The following KMT2E variants were observed in gnomAD, a reference collection of about 807,000 sequenced individuals.
KMT2E encodes the protein lysine methyltransferase 2E (inactive).
A neutral mutation model predicts 184.6 loss-of-function variants in KMT2E; 30 were observed. The observed-to-expected ratio is 0.16, with a 90% CI of 0.12 to 0.22. KMT2E has a LOEUF of 0.22. Among genes scored for constraint, KMT2E ranks in the 10% least tolerant of loss-of-function variants. The pLI is 1.00. For missense variants in KMT2E, 2,023 were observed against 2,237.4 expected (o/e 0.90, Z 1.93); for synonymous variants, 815 against 776.5 (o/e 1.05, Z -0.82).
At chr7:105,060,116 C>A (rs1187677354) in intron 3 of KMT2E, among the ~76,000 whole-genome samples, 1 of 148,918 alleles carries the variant, frequency 6.7e-6, no homozygotes, top group African/African-American at 2.5e-5. Flanking sequence ...CTGCCTCAGC[C>A]CCCAAGTAGC....
chr7:105,023,725 T>C (rs1795056485), intron 1 of KMT2E, among the ~76,000 whole-genome samples: 1 of 152,168 alleles, frequency 6.6e-6, no homozygotes, highest in South Asian at 2.1e-4. Context: ...GATTACAGGC[T>C]TGAGCCACTG....
intron 23 of KMT2E, 36 bp from the exon 24 acceptor site, chr7:105,110,244 C>G (rs1425433565): frequency 4.5e-6 from 7 of 1,541,764 alleles, no homozygotes; most frequent in Admixed American, 1.7e-5. Context: ...GCAGTAGTTT[C>G]TTTCAATAGA....
At position 105,027,401 on chromosome 7, in the gene KMT2E, G is replaced by C. The variant is rs58727441; in HGVS notation, c.-188-10725G>C. ...TAGTCTGTCTCATAGCAAAGGTACT[G>C]GTCCCTTATAGGACTCATTGTATCC... On this transcript the variant is annotated intron_variant, in intron 1 of 26. Transcript: ENST00000311117. 2.9e-3 allele frequency among the ~76,000 whole-genome samples: 447 copies of C among 152,132 alleles called. 1 individual carries two copies. Among genetic ancestry groups the C allele is most frequent in the African/African-American group, 0.01 (432 of 41,496 alleles).
At chr7:105,028,465 C>T (rs960110122) in intron 1 of KMT2E, among the ~76,000 whole-genome samples, 15 of 151,612 alleles carry the variant, frequency 9.9e-5, no homozygotes, top group African/African-American at 2.4e-4. Context: ...TCAGCCCAGT[C>T]GAGACTGAGA....
chr7:105,062,477 C>T (rs753094355), intron 4 of KMT2E, among the ~76,000 whole-genome samples, 199 bp downstream of exon 4: 5 of 152,072 alleles, frequency 3.3e-5, no homozygotes, highest in African/African-American at 7.2e-5. Context: ...TATTATTTTG[C>T]AATTTATGCT....
chr7:105,031,236 T>G (rs946883891), intron 1 of KMT2E, among the ~76,000 whole-genome samples: 6 of 151,340 alleles, frequency 4.0e-5, no homozygotes, highest in African/African-American at 1.5e-4. Context: ...CAGATACCTG[T>G]GATCGAGGTA....
chr7:105,094,074 G>C (rs143992781), intron 15 of KMT2E, among the ~76,000 whole-genome samples: 2 of 152,198 alleles, frequency 1.3e-5, no homozygotes, highest in African/African-American at 4.8e-5. Context: ...AGAATTTTTT[G>C]ATGTAGTCAA....
intron 3 of KMT2E, among the ~76,000 whole-genome samples, chr7:105,053,355 TAAC>T (rs2129566357): frequency 6.6e-6 from 1 of 152,294 alleles, no homozygotes; most frequent in African/African-American, 2.4e-5. Context: ...TAAAGAATTT[TAAC>T]AAGTACTGGT....
intron 6 of KMT2E, among the ~76,000 whole-genome samples, chr7:105,067,378 C>T (rs962633704): frequency 2.0e-5 from 3 of 151,858 alleles, no homozygotes; most frequent in Admixed American, 6.6e-5. Flanking sequence ...TATCATTCTT[C>T]TTGTTTGTAA....
At position 105,105,916 on chromosome 7, in the gene KMT2E, TCAC is replaced by T. The variant is rs1562930677; in HGVS notation, c.2511_2513del (p.Pro838del). On this transcript the variant is annotated inframe_deletion, in exon 19 of 27. Transcript: ENST00000311117. ...TTCAGCAATTTTACATAGATTTAAT[TCAC>T]CCTGTCAAGAAAGATCCAGAAGTCC... 1 of 1,613,672 alleles carries T rather than the reference TCAC, an allele frequency of 6.2e-7. No homozygotes were observed. The highest frequency in any genetic ancestry group is 8.5e-7 in the Non-Finnish European group (1 of 1,179,766).
intron 3 of KMT2E, among the ~76,000 whole-genome samples, chr7:105,050,589 T>A (rs1243141381): frequency 6.6e-6 from 1 of 152,086 alleles, no homozygotes; most frequent in Non-Finnish European, 1.5e-5. Context: ...CTACTTTTGG[T>A]TATTGTTTTT....
chr7:105,087,229 G>A (rs995922254), intron 13 of KMT2E, among the ~76,000 whole-genome samples: 3 of 143,072 alleles, frequency 2.1e-5, no homozygotes, highest in Non-Finnish European at 4.5e-5. Flanking sequence ...TATTATATAA[G>A]CATATATATA....
rs1797772605 is a variant in KMT2E at position 105,081,816 on chromosome 7, A to G, written c.1358+19A>G. On this transcript the variant is annotated intron_variant, in intron 13 of 26. Coordinates refer to ENST00000311117, the MANE Select transcript of KMT2E (RefSeq NM_182931.3). Reference sequence around the variant, plus strand: ...GAAATTGGTGAGTTCAAGTCTATAAATGTAATCTGTTGTTTGAAAATAGTT... The same window carrying G: ...GAAATTGGTGAGTTCAAGTCTATAAGTGTAATCTGTTGTTTGAAAATAGTT... The G allele has an allele frequency of 9.9e-7, 1 of 1,012,696 alleles. No individual in the cohort carries two copies. Among genetic ancestry groups the G allele is most frequent in the East Asian group, 2.5e-5 (1 of 40,316 alleles). The allele number at this position is 1,012,696 out of a possible 1,614,324, so 62.7% of individuals were successfully genotyped here.
chr7:105,056,403 C>T (rs1796571336), intron 3 of KMT2E, among the ~76,000 whole-genome samples: 1 of 152,152 alleles, frequency 6.6e-6, no homozygotes, highest in Non-Finnish European at 1.5e-5. Context: ...ACATTACTTG[C>T]TTTTGAGAGA....
intron 6 of KMT2E, among the ~76,000 whole-genome samples, chr7:105,072,975 A>G (rs1006752094): frequency 3.3e-5 from 5 of 152,182 alleles, no homozygotes; most frequent in African/African-American, 1.2e-4. Flanking sequence ...TAATAATGGA[A>G]TAGATTCAAT....
intron 3 of KMT2E, among the ~76,000 whole-genome samples, chr7:105,061,506 T>C (rs1796812046): frequency 6.6e-6 from 1 of 152,044 alleles, no homozygotes; most frequent in Non-Finnish European, 1.5e-5. Context: ...AGTAAAGAAG[T>C]TGGGAAAGTG....
At chr7:105,070,897 C>A (rs544980955) in intron 6 of KMT2E, among the ~76,000 whole-genome samples, 116 of 152,142 alleles carry the variant, frequency 7.6e-4, no homozygotes, top group Middle Eastern at 6.8e-3. Context: ...TCATTCTAAA[C>A]TCAAATATAA....
At position 105,040,973 on chromosome 7, in the gene KMT2E, G is replaced by A. The variant is rs773324013; in HGVS notation, c.21G>A (p.Leu7=). 1.6e-5 allele frequency: 26 copies of A among 1,612,998 alleles called. No homozygotes were observed. The East Asian group carries it at 4.7e-4, about 29-fold the overall frequency. ...ACGTCATGAGCATAGTGATCCCATT[G>A]GGGGTTGATACAGCAGAGACGTCAT... MSIVIP[L]GVDTAETSYL... is the part of the protein sequence containing the mutation. Residue 7 remains leucine, a synonymous_variant, in exon 3 of 27, where the codon TTG becomes TTA. Coordinates refer to ENST00000311117, the MANE Select transcript of KMT2E (RefSeq NM_182931.3).
At position 105,112,624 on chromosome 7, in the gene KMT2E, C is replaced by G. The variant is rs1436137374; in HGVS notation, c.4868C>G (p.Ala1623Gly). The stretch of plus-strand genomic sequence containing the variant: ...CCTACCATTCACCATCAAACTGCTG[C>G]TGCCGTAGTCCCCCCTCCTCCTCCA... ...QNPTIHHQTA[A>G]AVVPPPPPPP... Residue 1623 changes from alanine (A) to glycine (G), a missense_variant, in exon 27 of 27, where the codon GCT (alanine) becomes GGT (glycine). Transcript: ENST00000311117. 2 of 1,613,874 alleles carry G rather than the reference C, an allele frequency of 1.2e-6. No individual in the cohort carries two copies. Among genetic ancestry groups the G allele is most frequent in the Non-Finnish European group, 1.7e-6 (2 of 1,179,998 alleles).
Sources: allele counts gnomAD v4.1 joint callset (sites outside exome capture counted in the v4.1 genomes callset), GRCh38; gene constraint gnomAD v4.1.1; transcripts MANE v1.5; gene names NCBI Gene and HGNC (gene_info 2026-07-23, HGNC 2026-07-21).